KDM4C: variants seen among roughly 807,000 people sequenced by gnomAD.
KDM4C encodes the protein lysine demethylase 4C, also known as lysine-specific demethylase 4C.
In KDM4C, 81 loss-of-function variants were observed where a neutral mutation model predicts 129.3. That is an observed-to-expected ratio of 0.63 (90% CI 0.52 to 0.75). The LOEUF (loss-of-function observed/expected upper bound fraction) is 0.75, where lower values mean the gene tolerates loss of function less well. Ranked by LOEUF, KDM4C falls within the 30% of genes least tolerant of loss-of-function variation. KDM4C has a pLI of 0.00. For missense variants in KDM4C, 1,457 were observed against 1,304.0 expected (o/e 1.12, Z -1.81); for synonymous variants, 573 against 456.1 (o/e 1.26, Z -3.26).
Position 7,154,533 on chromosome 9 carries a change from G to A in KDM4C, c.2782-10705G>A, listed in dbSNP as rs141137202. ...CTAGGGATCCCTTTAGAAGGGTCTC[G>A]TAAGAGTTCCAAGAACTCAGTGACT... On this transcript the variant is annotated intron_variant, in intron 19 of 21. Coordinates refer to ENST00000381309, the MANE Select transcript of KDM4C (RefSeq NM_015061.6). 3.9e-4 allele frequency among the ~76,000 whole-genome samples: 59 copies of A among 152,304 alleles called. 1 individual carries two copies. The East Asian group carries it at 7.7e-3, about 20-fold the overall frequency.
At chr9:6,772,502 C>T (rs1235482725) in intron 1 of KDM4C, among the ~76,000 whole-genome samples, 1 of 152,208 alleles carries the variant, frequency 6.6e-6, no homozygotes, top group African/African-American at 2.4e-5. Flanking sequence ...GGTGGGATTA[C>T]AGGCATGCAC....
At chr9:6,833,233 T>C (rs1234431581) in intron 4 of KDM4C, among the ~76,000 whole-genome samples, 5 of 152,194 alleles carry the variant, frequency 3.3e-5, no homozygotes, top group Admixed American at 3.3e-4. Flanking sequence ...TTAATATTTC[T>C]ATTTAGCCTA....
chr9:6,891,822 T>A (rs1288587587), intron 7 of KDM4C, among the ~76,000 whole-genome samples: 1 of 152,170 alleles, frequency 6.6e-6, no homozygotes, highest in Admixed American at 6.5e-5. Flanking sequence ...GAGGTTGATA[T>A]ATTTAATAAA....
intron 18 of KDM4C, among the ~76,000 whole-genome samples, chr9:7,125,226 G>C (rs1001227456): frequency 2.0e-5 from 3 of 152,122 alleles, no homozygotes; most frequent in Admixed American, 2.0e-4. Context: ...GCTGTTTCCT[G>C]CTTCTGGGCC....
chr9:6,808,402 C>T (rs575951168), intron 3 of KDM4C, among the ~76,000 whole-genome samples: 9 of 78,864 alleles, frequency 1.1e-4, no homozygotes, highest in South Asian at 4.7e-4. Flanking sequence ...ACCCCCAACC[C>T]GGTGCTCTCT....
intron 1 of KDM4C, among the ~76,000 whole-genome samples, chr9:6,747,003 C>CA (rs58512756): frequency 0.035 from 1,771 of 50,318 alleles, 111 homozygotes; most frequent in Non-Finnish European, 0.047. Flanking sequence ...GACTCCGTCT[C>CA]AAAAAAAAAA....
intron 1 of KDM4C, among the ~76,000 whole-genome samples, chr9:6,784,800 C>G (rs1238727077): frequency 6.6e-6 from 1 of 152,188 alleles, no homozygotes; most frequent in East Asian, 1.9e-4. Context: ...GTGTTGCTTT[C>G]TAAGCTGGGG....
At chr9:6,749,072 T>G (rs1013716950) in intron 1 of KDM4C, 2 of 505,460 alleles carry the variant, frequency 4.0e-6, no homozygotes, top group African/African-American at 2.0e-5. Flanking sequence ...CAGGCTGGAG[T>G]GCAATGGCGC....
intron 12 of KDM4C, among the ~76,000 whole-genome samples, chr9:6,995,920 G>T (rs141562715): frequency 6.6e-6 from 1 of 151,842 alleles, no homozygotes; most frequent in African/African-American, 2.4e-5. Context: ...TGCCCACCTC[G>T]GCCTCCCAAA....
chr9:6,813,462 G>T (rs572113654), intron 3 of KDM4C, among the ~76,000 whole-genome samples: 1 of 152,094 alleles, frequency 6.6e-6, no homozygotes. Context: ...CCATTATTTG[G>T]TATTCTTGTT....
At chr9:6,893,718 A>G (rs1846429881) in intron 8 of KDM4C, 1 of 152,324 alleles carries the variant, frequency 6.6e-6, no homozygotes, top group Admixed American at 6.5e-5. Context: ...CTTGAAAGTA[A>G]TCATGTAGAA....
intron 1 of KDM4C, among the ~76,000 whole-genome samples, chr9:6,760,522 T>C (rs1162918255): frequency 1.3e-5 from 2 of 150,086 alleles, no homozygotes; most frequent in Non-Finnish European, 3.0e-5. Context: ...GAGGGATAGT[T>C]AGTCTTGGGT....
chr9:7,070,682 A>T (rs1238550048), intron 17 of KDM4C, among the ~76,000 whole-genome samples: 1 of 152,188 alleles, frequency 6.6e-6, no homozygotes, highest in Non-Finnish European at 1.5e-5. Context: ...AACTCACAGC[A>T]GACTATCCAC....
At chr9:6,826,577 C>T (rs1290341926) in intron 4 of KDM4C, among the ~76,000 whole-genome samples, 1 of 152,064 alleles carries the variant, frequency 6.6e-6, no homozygotes, top group African/African-American at 2.4e-5. Context: ...GAAAATTTAT[C>T]TTATTTGGCC....
chr9:6,728,042 T>C (rs963056623), intron 1 of KDM4C, among the ~76,000 whole-genome samples: 22 of 91,436 alleles, frequency 2.4e-4, no homozygotes, highest in Non-Finnish European at 4.1e-4. Flanking sequence ...ATAAAAAGTT[T>C]GGCCAAAACC....
At chr9:6,965,398 C>T (rs150117966) in intron 8 of KDM4C, among the ~76,000 whole-genome samples, 1 of 151,886 alleles carries the variant, frequency 6.6e-6, no homozygotes, top group Non-Finnish European at 1.5e-5. Context: ...GACAGTAGTG[C>T]TAATTGATAT....
At chr9:7,042,971 G>T (rs1828843903) in intron 15 of KDM4C, among the ~76,000 whole-genome samples, 1 of 151,998 alleles carries the variant, frequency 6.6e-6, no homozygotes, top group Non-Finnish European at 1.5e-5. Context: ...AGAGTTGAGT[G>T]ATTACAACTA....
intron 1 of KDM4C, among the ~76,000 whole-genome samples, chr9:6,759,084 G>C (rs911134248): frequency 1.3e-5 from 2 of 152,110 alleles, no homozygotes; most frequent in Non-Finnish European, 2.9e-5. Context: ...CCTTCTTCCG[G>C]AAGAGACAAG....
At chr9:7,161,095 C>G (rs542249535) in intron 19 of KDM4C, among the ~76,000 whole-genome samples, 1 of 152,212 alleles carries the variant, frequency 6.6e-6, no homozygotes, top group Non-Finnish European at 1.5e-5. Context: ...GACTGCTGCG[C>G]TAGCAGTGAG....
Sources: allele counts gnomAD v4.1 joint callset (sites outside exome capture counted in the v4.1 genomes callset), GRCh38; gene constraint gnomAD v4.1.1; transcripts MANE v1.5; gene names NCBI Gene and HGNC (gene_info 2026-07-23, HGNC 2026-07-21).